Variants in CENPK observed in about 807,000 individuals in gnomAD.
The protein encoded by CENPK is centromere protein K, also known as SoxLZ/Sox6-binding protein Solt.
A neutral mutation model predicts 40.9 loss-of-function variants in CENPK; 46 were observed. The observed-to-expected ratio is 1.13, with a 90% CI of 0.89 to 1.44. The LOEUF (loss-of-function observed/expected upper bound fraction) is 1.44, where lower values mean the gene tolerates loss of function less well. CENPK is among the 40% of genes most tolerant of loss of function. The pLI is 0.00. For missense variants in CENPK, 288 were observed against 303.5 expected, an observed-to-expected ratio of 0.95 and a Z score of 0.38; for synonymous variants, 107 against 104.4, an observed-to-expected ratio of 1.02 and a Z score of -0.15.
intron 5 of CENPK, among the ~76,000 whole-genome samples, chr5:65,547,195 T>G (rs1047281311): frequency 6.6e-6 from 1 of 151,838 alleles, no homozygotes; most frequent in Non-Finnish European, 1.5e-5. Flanking sequence ...GAGTTTGAGA[T>G]CAGCCTGGCC....
chr5:65,545,330 A>G (rs1482512981), intron 5 of CENPK, among the ~76,000 whole-genome samples: 57 of 3,220 alleles, frequency 0.018, 3 homozygotes, highest in East Asian at 0.089. Context: ...GCGCGCACAC[A>G]CACACACACA....
chr5:65,558,957 G>A (rs1321277547), intron 2 of CENPK, among the ~76,000 whole-genome samples: 1 of 152,220 alleles, frequency 6.6e-6, no homozygotes, highest in East Asian at 1.9e-4. Context: ...AAACAATCTT[G>A]CTAGATGATT....
At chr5:65,562,483 G>A (rs1394131583) in intron 1 of CENPK, among the ~76,000 whole-genome samples, 1 of 152,148 alleles carries the variant, frequency 6.6e-6, no homozygotes, top group African/African-American at 2.4e-5. Context: ...AGAGATTTAC[G>A]ACGAGGATTT....
chr5:65,529,406 G>A (rs1745321197), intron 6 of CENPK: 2 of 444,772 alleles, frequency 4.5e-6, no homozygotes, highest in South Asian at 8.1e-5. Context: ...AATACAAGAG[G>A]TTTTGAGCAG....
chr5:65,533,460 T>A (rs1746274436), intron 6 of CENPK, among the ~76,000 whole-genome samples: 2 of 152,130 alleles, frequency 1.3e-5, no homozygotes, highest in Admixed American at 6.5e-5. Flanking sequence ...AACCTACTGC[T>A]AACATCACAC....
At chr5:65,550,129 C>T (rs1312223264) in intron 5 of CENPK, among the ~76,000 whole-genome samples, 2 of 146,136 alleles carry the variant, frequency 1.4e-5, no homozygotes, top group Non-Finnish European at 3.0e-5. Flanking sequence ...GATCACACCA[C>T]TGCACTCCAG....
At chr5:65,521,560 CCACTT>C (rs1461108348) in intron 9 of CENPK, 32 bp from the exon 10 acceptor site, 7 of 1,384,716 alleles carry the variant, frequency 5.1e-6, no homozygotes, top group Admixed American at 3.5e-5. Context: ...CAAACAATTA[CCACTT>C]CACTTCTGCC....
intron 2 of CENPK, among the ~76,000 whole-genome samples, chr5:65,560,631 C>T (rs959269333): frequency 2.0e-5 from 3 of 152,078 alleles, no homozygotes; most frequent in African/African-American, 4.8e-5. Flanking sequence ...AGAAAAAGTA[C>T]ATTCATAAGC....
At chr5:65,523,481 A>T (rs1416004870) in intron 9 of CENPK, among the ~76,000 whole-genome samples, 1 of 78,378 alleles carries the variant, frequency 1.3e-5, no homozygotes, top group Admixed American at 1.7e-4. Flanking sequence ...GTAAAATAAC[A>T]CTAACAAAAT....
intron 5 of CENPK, among the ~76,000 whole-genome samples, chr5:65,546,927 TTATAGA>T (rs1474572192): frequency 6.6e-6 from 1 of 152,166 alleles, no homozygotes; most frequent in Non-Finnish European, 1.5e-5. Context: ...GAAGTTATTA[TTATAGA>T]TATAACACAT....
intron 5 of CENPK, among the ~76,000 whole-genome samples, chr5:65,546,958 A>G (rs2150484030): frequency 6.6e-6 from 1 of 152,342 alleles, no homozygotes; most frequent in South Asian, 2.1e-4. Context: ...ACAGAAGAAG[A>G]TATAATGCTG....
At chr5:65,560,513 G>T (rs962471966) in intron 2 of CENPK, among the ~76,000 whole-genome samples, 2 of 152,056 alleles carry the variant, frequency 1.3e-5, no homozygotes, top group Non-Finnish European at 2.9e-5. Context: ...CGTTTATTTT[G>T]TGTCTGCATT....
At chr5:65,528,206 AC>A (rs1270558164) in intron 9 of CENPK, among the ~76,000 whole-genome samples, 1 of 152,140 alleles carries the variant, frequency 6.6e-6, no homozygotes, top group East Asian at 1.9e-4. Flanking sequence ...ACGCCACTGA[AC>A]TACAGCCTGG....
chr5:65,522,744 T>C (rs1258112852), intron 9 of CENPK, among the ~76,000 whole-genome samples: 2 of 152,202 alleles, frequency 1.3e-5, no homozygotes, highest in Non-Finnish European at 2.9e-5. Context: ...TTACTTTTCA[T>C]ATGGCATAAA....
the CENPK span, among the ~76,000 whole-genome samples, chr5:65,509,047 A>T: frequency 6.6e-6 from 1 of 152,146 alleles, no homozygotes; most frequent in African/African-American, 2.4e-5. Context: ...ATACAAAAAA[A>T]CTCTTAAAAC....
At chr5:65,526,724 T>G (rs1443765402) in intron 9 of CENPK, among the ~76,000 whole-genome samples, 1 of 152,182 alleles carries the variant, frequency 6.6e-6, no homozygotes, top group African/African-American at 2.4e-5. Context: ...GTGTGGAGGC[T>G]GAGGCGGGAG....
intron 9 of CENPK, among the ~76,000 whole-genome samples, chr5:65,527,947 G>T (rs1745019397): frequency 1.3e-5 from 2 of 152,066 alleles, no homozygotes; most frequent in Non-Finnish European, 2.9e-5. Context: ...ATATACTCTG[G>T]CTGGGCGCAG....
At chr5:65,499,145 G>T in the CENPK span, among the ~76,000 whole-genome samples, 1 of 150,456 alleles carries the variant, frequency 6.6e-6, no homozygotes, top group African/African-American at 2.5e-5. Context: ...CAAAGTGTTG[G>T]GATTACAGTC....
rs1743037214 is a variant in CENPK at position 65,518,045 on chromosome 5, A to ATT, written c.*428_*429dup. On this transcript the variant is annotated 3_prime_UTR_variant, in exon 11 of 11. Coordinates refer to ENST00000396679, the MANE Select transcript of CENPK (RefSeq NM_022145.5). Reference sequence around the variant, plus strand: ...TTATGCCACCTCAGATATTACCTCAATTTTAAAACCATCTGTAAATTAAAT... The same window carrying ATT: ...TTATGCCACCTCAGATATTACCTCAATTTTTTAAAACCATCTGTAAATTAAAT... 1.3e-5 allele frequency: 2 copies of ATT among 152,418 alleles called. No homozygotes were observed. The highest frequency in any genetic ancestry group is 4.8e-5 in the African/African-American group (2 of 41,474). The allele number at this position is 152,418 out of a possible 1,614,324, so 9.4% of individuals were successfully genotyped here.
Sources: gnomAD v4.1 joint callset for allele counts (sites outside exome capture counted in the v4.1 genomes callset) on GRCh38, gnomAD v4.1.1 for gene constraint, MANE v1.5 for transcripts, NCBI Gene and HGNC (gene_info 2026-07-23, HGNC 2026-07-21) for gene names.